Variants in CNTN1 observed in about 807,000 individuals in gnomAD.
CNTN1 encodes contactin 1.
CNTN1 carries 38 observed loss-of-function variants against 126.4 expected under a neutral mutation model. The observed-to-expected ratio is 0.30, with a 90% CI of 0.23 to 0.39. The LOEUF (loss-of-function observed/expected upper bound fraction) is 0.39, where lower values mean the gene tolerates loss of function less well. CNTN1 is among the 10% of genes least tolerant of loss of function. The probability of loss-of-function intolerance (pLI) is 1.00; values close to 1 mark genes in which losing one functional copy is unlikely to be tolerated. For missense variants in CNTN1, 1,009 were observed against 1,248.4 expected, an observed-to-expected ratio of 0.81 and a Z score of 2.89; for synonymous variants, 413 against 422.6, an observed-to-expected ratio of 0.98 and a Z score of 0.28.
At chr12:40,836,101 CGT>C (rs1942045057) in intron 1 of CNTN1, among the ~76,000 whole-genome samples, 1 of 145,440 alleles carries the variant, frequency 6.9e-6, no homozygotes, top group African/African-American at 2.5e-5. Context: ...TATATATATA[CGT>C]ACATATACAG....
intron 6 of CNTN1, among the ~76,000 whole-genome samples, chr12:40,925,481 C>T (rs1456799824): frequency 2.0e-5 from 3 of 150,228 alleles, no homozygotes; most frequent in Admixed American, 6.7e-5. Context: ...TGTACATATA[C>T]ACACACATAT....
At chr12:41,050,410 G>A (rs1949646630) in intron 23 of CNTN1, among the ~76,000 whole-genome samples, 1 of 152,146 alleles carries the variant, frequency 6.6e-6, no homozygotes. Flanking sequence ...GGGTAAAGGG[G>A]AAGCAAGCAC....
chr12:40,797,094 C>CA (rs1319378489), intron 1 of CNTN1, among the ~76,000 whole-genome samples: 2 of 151,942 alleles, frequency 1.3e-5, no homozygotes, highest in African/African-American at 2.4e-5. Flanking sequence ...CCTATTGATT[C>CA]AAAAAATATT....
At chr12:40,828,639 C>T (rs1315357281) in intron 1 of CNTN1, among the ~76,000 whole-genome samples, 1 of 152,122 alleles carries the variant, frequency 6.6e-6, no homozygotes, top group African/African-American at 2.4e-5. Context: ...GCTGTGGCAT[C>T]GCGTTGGCTC....
intron 14 of CNTN1, among the ~76,000 whole-genome samples, chr12:40,945,057 A>G (rs1946387162): frequency 6.6e-6 from 1 of 152,100 alleles, no homozygotes. Context: ...ATGCTTTCAT[A>G]TTGTCCAGCT....
In CNTN1 at chr12:40,922,388, C is replaced by T. The variant is rs572299257; in HGVS notation, c.360C>T (p.Tyr120=). The T allele has an allele frequency of 3.8e-5, 61 of 1,613,992 alleles. No individual in the cohort carries two copies. The highest frequency in any genetic ancestry group is 2.2e-4 in the East Asian group (10 of 44,872). ...ACTACTGTTTAGCATCTAATAACTACGGGATGGTCAGAAGCACTGAAGCAA... is the reference window on the plus strand; with the variant it reads ...ACTACTGTTTAGCATCTAATAACTATGGGATGGTCAGAAGCACTGAAGCAA... ...GIYYCLASNN[Y]GMVRSTEATL... Residue 120 remains tyrosine, a synonymous_variant, in exon 5 of 24, where the codon TAC becomes TAT. Coordinates refer to ENST00000551295, the MANE Select transcript of CNTN1 (RefSeq NM_001843.4).
chr12:41,049,579 G>C (rs1418442690), intron 23 of CNTN1, among the ~76,000 whole-genome samples: 1 of 152,194 alleles, frequency 6.6e-6, no homozygotes, highest in African/African-American at 2.4e-5. Context: ...CTTGTCTCCA[G>C]GATTGTTGCA....
chr12:40,757,704 T>C (rs896603302), intron 1 of CNTN1, among the ~76,000 whole-genome samples: 12 of 152,272 alleles, frequency 7.9e-5, no homozygotes, highest in African/African-American at 2.9e-4. Flanking sequence ...TATGACATTC[T>C]TTCAGAATTC....
chr12:41,025,127 T>TA, intron 20 of CNTN1, 23 bp from the exon 21 acceptor site: 1 of 1,612,994 alleles, frequency 6.2e-7, no homozygotes, highest in Non-Finnish European at 8.5e-7. Flanking sequence ...TGGCAAAATA[T>TA]AACTCATCCT....
At chr12:41,020,508 G>A (rs1296705111) in intron 20 of CNTN1, 68 bp downstream of exon 20, 36 of 1,014,772 alleles carry the variant, frequency 3.5e-5, no homozygotes, top group South Asian at 1.4e-4. Context: ...TTTCAAATGT[G>A]TTGTATGTTT....
chr12:40,971,605 C>G (rs1947514889), intron 15 of CNTN1: 2 of 1,517,938 alleles, frequency 1.3e-6, no homozygotes, highest in South Asian at 2.5e-5. Context: ...TTCTGCAGTT[C>G]TCCCCACCCC....
intron 1 of CNTN1, among the ~76,000 whole-genome samples, chr12:40,894,945 G>A (rs1261572460): frequency 6.6e-6 from 1 of 152,090 alleles, no homozygotes; most frequent in Non-Finnish European, 1.5e-5. Context: ...GTGGAATAAA[G>A]AAGAGGGGAA....
chr12:40,798,826 G>A (rs1940541183), intron 1 of CNTN1, among the ~76,000 whole-genome samples: 1 of 151,884 alleles, frequency 6.6e-6, no homozygotes, highest in African/African-American at 2.4e-5. Flanking sequence ...GAAATAATCT[G>A]TACAGCAAAT....
intron 1 of CNTN1, among the ~76,000 whole-genome samples, chr12:40,804,642 T>G (rs986597747): frequency 2.0e-5 from 3 of 151,916 alleles, no homozygotes; most frequent in Non-Finnish European, 2.9e-5. Context: ...AAGGCAAATT[T>G]TAATGGATTC....
At chr12:40,870,863 A>T (rs1161484761) in intron 1 of CNTN1, among the ~76,000 whole-genome samples, 2 of 152,162 alleles carry the variant, frequency 1.3e-5, no homozygotes, top group Non-Finnish European at 2.9e-5. Context: ...GACTAATGAG[A>T]ACTACAGCAT....
At chr12:40,935,579 A>T (rs1010720799) in intron 9 of CNTN1, among the ~76,000 whole-genome samples, 3 of 152,098 alleles carry the variant, frequency 2.0e-5, no homozygotes, top group Non-Finnish European at 4.4e-5. Context: ...GTAATAGAAA[A>T]TGTCTGTGTT....
At chr12:40,989,168 C>T (rs1360908203) in intron 16 of CNTN1, among the ~76,000 whole-genome samples, 8 of 152,012 alleles carry the variant, frequency 5.3e-5, no homozygotes, top group Admixed American at 5.2e-4. Flanking sequence ...TCCCAAACTG[C>T]ATAGGTGATT....
chr12:40,998,344 C>T (rs1309628215), intron 17 of CNTN1, among the ~76,000 whole-genome samples: 1 of 151,934 alleles, frequency 6.6e-6, no homozygotes, highest in Non-Finnish European at 1.5e-5. Flanking sequence ...AAACATTTTC[C>T]CCAACTGACT....
At chr12:40,948,258 C>CTTTTTTTTTTTTT (rs58087551) in intron 14 of CNTN1, among the ~76,000 whole-genome samples, 2 of 62,682 alleles carry the variant, frequency 3.2e-5, no homozygotes, top group Admixed American at 2.6e-4. Context: ...TTCTTTCTTT[C>CTTTTTTTTTTTTT]TTTTTTTTTT....
Sources: gnomAD v4.1 joint callset for allele counts (sites outside exome capture counted in the v4.1 genomes callset) on GRCh38, gnomAD v4.1.1 for gene constraint, MANE v1.5 for transcripts, NCBI Gene and HGNC (gene_info 2026-07-23, HGNC 2026-07-21) for gene names.